NAV2: variants seen among roughly 807,000 people sequenced by gnomAD.
NAV2 encodes the protein helicase, APC down-regulated 1.
NAV2 carries 54 observed loss-of-function variants against 223.2 expected under a neutral mutation model. The observed-to-expected ratio is 0.24, with a 90% CI of 0.19 to 0.30. The LOEUF is 0.30. Ranked by LOEUF, NAV2 falls within the 10% of genes least tolerant of loss-of-function variation. NAV2 has a pLI of 1.00. For missense variants in NAV2, 2,806 were observed against 3,147.5 expected (o/e 0.89, Z 2.60); for synonymous variants, 1,279 against 1,239.3 (o/e 1.03, Z -0.67).
Position 19,868,614 on chromosome 11 carries a change from C to A in NAV2, c.439-311C>A, listed in dbSNP as rs576562884. Among the ~76,000 whole-genome samples, 3 of 152,276 alleles carry A rather than the reference C, an allele frequency of 2.0e-5. No homozygotes were observed. The East Asian group carries it at 5.8e-4, about 29-fold the overall frequency. ...TGTCCACTAACCCTTTCCCCACCTC[C>A]ATTTTTCTGGCAACTGCTCAAGTTT... On this transcript the variant is annotated intron_variant, in intron 3 of 37. Coordinates refer to ENST00000349880, the MANE Select transcript of NAV2 (RefSeq NM_145117.5).
chr11:20,112,365 G>A (rs1199728365), intron 36 of NAV2, among the ~76,000 whole-genome samples: 2 of 152,200 alleles, frequency 1.3e-5, no homozygotes, highest in South Asian at 2.1e-4. Flanking sequence ...AGCGCAGGAC[G>A]GGAGGAGTGC....
Position 19,560,799 on chromosome 11 carries a change from G to A in NAV2, c.75+209772G>A, listed in dbSNP as rs1342328824. 2.0e-5 allele frequency among the ~76,000 whole-genome samples: 3 copies of A among 152,220 alleles called. No individual in the cohort carries two copies. In the East Asian group the frequency reaches 5.8e-4, roughly 29 times the overall value. The stretch of plus-strand genomic sequence containing the variant: ...AGCTATACTGGGAATGAATAGAGTA[G>A]ACCAGATAGAAGAAATGCTCATGTC... On this transcript the variant is annotated intron_variant, in intron 1 of 37. Transcript: ENST00000360655.
At chr11:19,381,556 A>G (rs1485625841) in intron 1 of NAV2, among the ~76,000 whole-genome samples, 1 of 152,190 alleles carries the variant, frequency 6.6e-6, no homozygotes, top group African/African-American at 2.4e-5. Flanking sequence ...GAAGTGTGGT[A>G]GCTCAGGGCC....
At chr11:19,484,216 G>C (rs10833121) in intron 1 of NAV2, among the ~76,000 whole-genome samples, 64,466 of 151,498 alleles carry the variant, frequency 0.43, 13,975 homozygotes, top group Middle Eastern at 0.54. Flanking sequence ...ATTAAAGCCT[G>C]GCTCTTTCTT....
intron 1 of NAV2, among the ~76,000 whole-genome samples, chr11:19,725,231 A>G (rs924393814): frequency 2.0e-5 from 3 of 152,226 alleles, no homozygotes; most frequent in African/African-American, 7.2e-5. Context: ...AACTTGCCCA[A>G]GGTCACACAC....
intron 1 of NAV2, chr11:19,777,818 C>T (rs2056391285): frequency 6.6e-6 from 3 of 454,072 alleles, no homozygotes; most frequent in African/African-American, 2.0e-5. Context: ...GGATTGCACA[C>T]GCTGGGATTG....
At chr11:19,462,784 G>C (rs78558254) in intron 1 of NAV2, among the ~76,000 whole-genome samples, 10,462 of 152,178 alleles carry the variant, frequency 0.069, 453 homozygotes, top group East Asian at 0.17. Context: ...TCCTTCTTTT[G>C]TTCTCCTCTC....
intron 1 of NAV2, among the ~76,000 whole-genome samples, chr11:19,555,972 C>T (rs1438736021): frequency 1.3e-5 from 2 of 152,086 alleles, no homozygotes; most frequent in Non-Finnish European, 2.9e-5. Flanking sequence ...CCTGTCCCTA[C>T]AGACCCTGCC....
intron 1 of NAV2, among the ~76,000 whole-genome samples, chr11:19,728,018 C>T (rs1417616808): frequency 6.6e-6 from 1 of 152,188 alleles, no homozygotes; most frequent in African/African-American, 2.4e-5. Flanking sequence ...CTCTGGAGTC[C>T]AGACCTGGTC....
chr11:19,706,305 C>T (rs941852853), intron 1 of NAV2, among the ~76,000 whole-genome samples: 2 of 152,150 alleles, frequency 1.3e-5, no homozygotes, highest in South Asian at 2.1e-4. Flanking sequence ...CTAGACTTAA[C>T]TTATAGAAGT....
At chr11:19,726,649 T>TTATTTTTC (rs1410182705) in intron 1 of NAV2, among the ~76,000 whole-genome samples, 2 of 152,252 alleles carry the variant, frequency 1.3e-5, no homozygotes, top group Admixed American at 1.3e-4. Context: ...ATTTTCTTTT[T>TTATTTTTC]TATTTTTCTT....
intron 26 of NAV2, among the ~76,000 whole-genome samples, chr11:20,090,167 A>C (rs1486518896): frequency 1.3e-5 from 2 of 152,236 alleles, no homozygotes; most frequent in Non-Finnish European, 2.9e-5. Context: ...TTTCATCCCC[A>C]TTTTGGCAAA....
intron 1 of NAV2, chr11:19,591,087 C>G (rs2046045951): frequency 6.6e-6 from 1 of 152,176 alleles, no homozygotes; most frequent in Non-Finnish European, 1.5e-5. Flanking sequence ...AGCAAAAATG[C>G]ATTATTCTTT....
chr11:19,368,665 G>A (rs184157058), intron 1 of NAV2, among the ~76,000 whole-genome samples: 133 of 152,228 alleles, frequency 8.7e-4, no homozygotes, highest in East Asian at 2.3e-3. Flanking sequence ...GAACTGTTAC[G>A]GTTTATATTT....
chr11:20,046,731 A>T (rs2057479007), intron 14 of NAV2, among the ~76,000 whole-genome samples: 1 of 152,188 alleles, frequency 6.6e-6, no homozygotes, highest in South Asian at 2.1e-4. Context: ...CTCTAGATAT[A>T]AACAAATTAT....
intron 6 of NAV2, among the ~76,000 whole-genome samples, chr11:19,906,649 G>C (rs144468017): frequency 2.0e-3 from 305 of 152,308 alleles, no homozygotes; most frequent in African/African-American, 7.1e-3. Flanking sequence ...ACTCACGGGG[G>C]AGAGCAGCCA....
Position 19,805,244 on chromosome 11 carries a change from A to G in NAV2, c.268-27240A>G, listed in dbSNP as rs114337258. On this transcript the variant is annotated intron_variant, in intron 1 of 37. Transcript: ENST00000349880. Reference sequence around the variant, plus strand: ...GATGGCTGATTCAGCAAAGCCAGGCATATGTAGCACCACTTACATTTTCTT... The same window carrying G: ...GATGGCTGATTCAGCAAAGCCAGGCGTATGTAGCACCACTTACATTTTCTT... 1.2e-3 allele frequency among the ~76,000 whole-genome samples: 187 copies of G among 152,322 alleles called. 1 individual carries two copies. The highest frequency in any genetic ancestry group is 4.3e-3 in the African/African-American group (179 of 41,572).
chr11:19,567,128 G>A (rs2045291446), intron 1 of NAV2, among the ~76,000 whole-genome samples: 1 of 152,196 alleles, frequency 6.6e-6, no homozygotes. Flanking sequence ...CCTGCTGACA[G>A]CTTCACAGAT....
At chr11:19,538,519 GTT>G (rs67680795) in intron 1 of NAV2, among the ~76,000 whole-genome samples, 17,574 of 140,382 alleles carry the variant, frequency 0.13, 1,152 homozygotes, top group African/African-American at 0.19. Context: ...TTTTGTTTTT[GTT>G]TTTTTTTTTT....
Sources: gnomAD v4.1 joint callset for allele counts (sites outside exome capture counted in the v4.1 genomes callset) on GRCh38, gnomAD v4.1.1 for gene constraint, MANE v1.5 for transcripts, NCBI Gene and HGNC (gene_info 2026-07-23, HGNC 2026-07-21) for gene names.